USB1: variants seen among roughly 807,000 people sequenced by gnomAD.
USB1 encodes the protein U6 snRNA phosphodiesterase 1.
USB1 carries 21 observed loss-of-function variants against 29.9 expected under a neutral mutation model. The ratio of observed to expected loss-of-function variants is 0.70; its 90% CI spans 0.50 to 1.01. The LOEUF is 1.01. Ranked by LOEUF, USB1 falls within the 50% of genes least tolerant of loss-of-function variation. The pLI, the probability that USB1 is intolerant of heterozygous loss-of-function variation, is 0.00. For missense variants in USB1, 330 were observed against 347.1 expected (o/e 0.95, Z 0.39); for synonymous variants, 143 against 134.9 (o/e 1.06, Z -0.42).
rs780752842 is a variant in USB1, at chr16:58,002,606, C to G, written c.226C>G (p.His76Asp). The G allele has an allele frequency of 3.7e-6, 6 of 1,613,882 alleles. No homozygotes were observed. Among genetic ancestry groups the G allele is most frequent in the South Asian group, 3.3e-5 (3 of 91,086 alleles). The change falls in exon 2 of 7, where the codon CAC becomes GAC. Residue 76 changes from histidine to aspartate, a missense_variant. Physicochemically the swap from His to Asp is moderately conservative, Grantham distance 81. Transcript: ENST00000219281. ...KHGGRVRTFP[H>D]ERGNWATHVY... is the part of the protein sequence containing the mutation. ...CGGGGGACGGGTGCGCACCTTCCCC[C>G]ACGAGCGAGGCAACTGGGCCACCCA...
intron 5 of USB1, among the ~76,000 whole-genome samples, chr16:58,017,822 C>G (rs1053161635): frequency 1.3e-5 from 2 of 152,206 alleles, no homozygotes; most frequent in Non-Finnish European, 2.9e-5. Context: ...CCCAGGCCCT[C>G]CAAGGGCACT....
chr16:58,016,360 T>G (rs1381000646), intron 4 of USB1: 3 of 152,232 alleles, frequency 2.0e-5, no homozygotes, highest in Non-Finnish European at 4.4e-5. Context: ...ACCTGTTTGT[T>G]TGTACCTGCT....
chr16:58,012,861 G>A (rs1452030303), intron 3 of USB1: 1 of 987,432 alleles, frequency 1.0e-6, no homozygotes, highest in East Asian at 1.1e-4. Context: ...TTCCTTAACT[G>A]GGCACGAGTC....
At chr16:58,012,782 C>A in intron 3 of USB1, 1 of 1,007,800 alleles carries the variant, frequency 9.9e-7, no homozygotes. Context: ...ACTGCACTTG[C>A]GCTAGGAAGA....
At chr16:58,001,647 T>C in intron 1 of USB1, 66 bp downstream of exon 1, 2 of 1,507,726 alleles carry the variant, frequency 1.3e-6, no homozygotes, top group Middle Eastern at 1.7e-4. Flanking sequence ...GGGACCCGAA[T>C]GTCTGGGGGT....
Position 58,020,235 on chromosome 16 carries a change from C to T in USB1, c.788C>T (p.Pro263Leu), listed in dbSNP as rs773169264. The T allele has an allele frequency of 8.1e-6, 13 of 1,614,026 alleles. No individual in the cohort carries two copies. The highest frequency in any genetic ancestry group is 1.0e-5 in the Non-Finnish European group (12 of 1,180,024). Residue 263 changes from proline to leucine, a missense_variant, in exon 7 of 7, where the codon CCT becomes CTT. Physicochemically the swap from Pro to Leu is moderately conservative, Grantham distance 98. Transcript: ENST00000219281. The stretch of plus-strand genomic sequence containing the variant: ...TCTGGGAACAAGTTCTTCTCGATGC[C>T]TTTGAAGTGAGCACCAGAGGCCTTC... ...CKSGNKFFSMPLK is the reference protein window; with the variant it reads ...CKSGNKFFSMLLK
chr16:58,017,043 C>A, intron 4 of USB1: 1 of 436,862 alleles, frequency 2.3e-6, no homozygotes. Context: ...GGTGCAGAAG[C>A]TTCTGGGTTT....
In USB1 at chr16:58,012,964, T is replaced by C. The variant is rs534392869; in HGVS notation, c.450-1309T>C. On this transcript the variant is annotated intron_variant, in intron 3 of 6. Transcript: ENST00000219281. ...ATATGTGGCTGGTTCCCTTGCTCAC[T>C]GAGAGACTAGAAAACAGCACCTGGA... The C allele has an allele frequency of 4.6e-5, 45 of 985,836 alleles. No homozygotes were observed. In the South Asian group the frequency reaches 1.7e-3, roughly 38 times the overall value. The allele number at this position is 985,836 out of a possible 1,614,324, so 61.1% of individuals were successfully genotyped here.
chr16:58,003,748 A>G (rs964292874), intron 2 of USB1, among the ~76,000 whole-genome samples: 3 of 152,166 alleles, frequency 2.0e-5, no homozygotes, highest in African/African-American at 7.2e-5. Context: ...TTATTAATAA[A>G]TTTTAATCAT....
rs574051387 is a variant in USB1 at position 58,013,209 on chromosome 16, C to T, written c.450-1064C>T. 13 of 985,464 alleles carry T rather than the reference C, an allele frequency of 1.3e-5. No homozygotes were observed. Among genetic ancestry groups the T allele is most frequent in the East Asian group, 2.3e-4 (2 of 8,814 alleles). The allele number at this position is 985,464 out of a possible 1,614,324, so 61.0% of individuals were successfully genotyped here. On this transcript the variant is annotated intron_variant, in intron 3 of 6. Coordinates refer to ENST00000219281, the MANE Select transcript of USB1 (RefSeq NM_024598.4). This position sits in a 1 kb window ranked among gnomAD's most constrained non-coding sequence, Gnocchi z 4.3. Reference sequence around the variant, plus strand: ...AGGGGTGGAGAGCCATCCTGCAACACGAGGTTACCAGGAGAAGGAGTTTTG... The same window carrying T: ...AGGGGTGGAGAGCCATCCTGCAACATGAGGTTACCAGGAGAAGGAGTTTTG...
chr16:58,012,463 G>T, intron 3 of USB1: 2 of 1,167,362 alleles, frequency 1.7e-6, no homozygotes, highest in South Asian at 2.7e-5. Flanking sequence ...GATGGCACCT[G>T]ACTGTCACCA....
intron 3 of USB1, chr16:58,011,565 G>A (rs1986162): frequency 0.67 from 670,481 of 993,604 alleles, 227,633 homozygotes; most frequent in South Asian, 0.73. Flanking sequence ...TTGTTTCACA[G>A]GTGACTCCTC....
Position 58,010,094 on chromosome 16 carries a change from G to T in USB1, c.431G>T (p.Arg144Leu), listed in dbSNP as rs367780234. The T allele has an allele frequency of 1.9e-6, 3 of 1,614,006 alleles. No individual in the cohort carries two copies. Among genetic ancestry groups the T allele is most frequent in the South Asian group, 1.1e-5 (1 of 91,074 alleles). The change falls in exon 3 of 7, where the codon CGT (arginine) becomes CTT (leucine). Residue 144 changes from arginine (R) to leucine (L), a missense_variant. Transcript: ENST00000219281. The stretch of plus-strand genomic sequence containing the variant: ...CCCTTCGTGCAGGCTCTGAAAGCCC[G>T]TATGACCTCCTTCCACAGGTGAGTG... ...ILPFVQALKA[R>L]MTSFHRFFFT...
rs773091216 is a variant in USB1 at position 58,001,479 on chromosome 16, G to A, written c.-5G>A. ...ACCTGCTCTGGTGGTCTTGGATGAG[G>A]CCCCATGAGCGCGGCGCCCCTGGTG... On this transcript the variant is annotated 5_prime_UTR_variant, in exon 1 of 7. Coordinates refer to ENST00000219281, the MANE Select transcript of USB1 (RefSeq NM_024598.4). 8 of 1,595,688 alleles carry A rather than the reference G, an allele frequency of 5.0e-6. No homozygotes were observed. In the African/African-American group the frequency reaches 1.1e-4, roughly 21 times the overall value.
At position 58,020,485 on chromosome 16, in the gene USB1, C is replaced by T; in HGVS notation, c.*240C>T. ...TCTCTCCTCTGTCTCTCTTCCTCTC[C>T]TCTCTTCCTCTCTTCTCTCTTCCTC... is the stretch of plus-strand genomic sequence containing the variant. On this transcript the variant is annotated 3_prime_UTR_variant, in exon 7 of 7. Coordinates refer to ENST00000219281, the MANE Select transcript of USB1 (RefSeq NM_024598.4). The T allele has an allele frequency of 1.8e-6, 1 of 563,104 alleles. No individual in the cohort carries two copies. The highest frequency in any genetic ancestry group is 3.2e-6 in the Non-Finnish European group (1 of 314,146). The allele number at this position is 563,104 out of a possible 1,614,324, so 34.9% of individuals were successfully genotyped here. A position where few individuals can be genotyped will look rare whatever the true frequency, so the allele number is the denominator to read the frequency against.
At chr16:58,000,969 G>T (rs374217663), upstream of USB1, among the ~76,000 whole-genome samples, 15 of 152,240 alleles carry the variant, frequency 9.9e-5, no homozygotes, top group South Asian at 4.1e-4. This position sits in a 1 kb window ranked among gnomAD's most constrained non-coding sequence, Gnocchi z 4.5. Context: ...GAGAGGAGGG[G>T]CCTCCTAGAG....
At position 58,004,865 on chromosome 16, in the gene USB1, C is replaced by G. The variant is rs1437944969; in HGVS notation, c.265+2220C>G. Among the ~76,000 whole-genome samples the G allele has an allele frequency of 2.0e-5, 3 of 152,148 alleles. No individual in the cohort carries two copies. In the South Asian group the frequency reaches 6.2e-4, roughly 32 times the overall value. ...GAAAAGACAGCTGGGCCCGGGGGAC[C>G]ACTACTACCAAGACGCGGAGACCGG... On this transcript the variant is annotated intron_variant, in intron 2 of 6. Transcript: ENST00000219281.
At position 58,020,449 on chromosome 16, in the gene USB1, TCTC is replaced by T. The variant is rs752765084; in HGVS notation, c.*208_*210del. The T allele has an allele frequency of 1.1e-5, 7 of 617,944 alleles. No individual in the cohort carries two copies. Among genetic ancestry groups the T allele is most frequent in the South Asian group, 1.9e-5 (1 of 53,222 alleles). The allele number at this position is 617,944 out of a possible 1,614,324, so 38.3% of individuals were successfully genotyped here. ...TTCTCTTCCTCTTCTTTCTCTCTCT[TCTC>T]CTCTCTTTCTCTCCTCTGTCTCTCT... On this transcript the variant is annotated 3_prime_UTR_variant, in exon 7 of 7. Transcript: ENST00000219281.
intron 6 of USB1, 120 bp from the exon 7 acceptor site, chr16:58,020,021 G>T (rs1963700308): frequency 3.5e-6 from 3 of 867,956 alleles, no homozygotes. Context: ...GCAGAGCCTG[G>T]AGCCTGCAGC....
Sources: gnomAD v4.1 joint callset for allele counts (sites outside exome capture counted in the v4.1 genomes callset) on GRCh38, gnomAD v4.1.1 for gene constraint, Gnocchi (gnomAD v3.1) non-coding constraint, MANE v1.5 for transcripts, NCBI Gene and HGNC (gene_info 2026-07-23, HGNC 2026-07-21) for gene names.